XRCC4: variants seen among roughly 807,000 people sequenced by gnomAD.
XRCC4 encodes the protein X-ray repair cross complementing 4.
Under a neutral mutation model 39.1 loss-of-function variants are expected in XRCC4, and 28 were observed. The observed-to-expected ratio is 0.72, with a 90% CI of 0.53 to 0.98. The LOEUF (loss-of-function observed/expected upper bound fraction) is 0.98, where lower values mean the gene tolerates loss of function less well. Ranked by LOEUF, XRCC4 falls within the 50% of genes least tolerant of loss-of-function variation. The probability of loss-of-function intolerance (pLI) is 0.00; values close to 1 mark genes in which losing one functional copy is unlikely to be tolerated. For synonymous variants in XRCC4, 123 were observed against 126.4 expected, an observed-to-expected ratio of 0.97 and a Z score of 0.18; for missense variants, 350 against 376.4, an observed-to-expected ratio of 0.93 and a Z score of 0.58.
In XRCC4 at chr5:83,175,573, A is replaced by G. The variant is rs117436086; in HGVS notation, c.316-20197A>G. On this transcript the variant is annotated intron_variant, in intron 3 of 7. Transcript: ENST00000396027. The stretch of plus-strand genomic sequence containing the variant: ...GTAATCCCAGCACTTTGGGAGGCCA[A>G]GGTGGGAGGATTACTTGAGGGCCAG... Among the ~76,000 whole-genome samples, 441 of 152,166 alleles carry G rather than the reference A, an allele frequency of 2.9e-3. 12 individuals are homozygous for G. In the East Asian group the frequency reaches 0.073, roughly 25 times the overall value.
At chr5:83,277,919 C>T (rs1361109205) in intron 7 of XRCC4, among the ~76,000 whole-genome samples, 1 of 152,024 alleles carries the variant, frequency 6.6e-6, no homozygotes, top group Non-Finnish European at 1.5e-5. Flanking sequence ...CATTTAATAT[C>T]TTGTTTAATA....
rs141498148 is a variant in XRCC4 at position 83,105,264 on chromosome 5, G to A, written c.139+206G>A. ...AAACAAACGTGTCCTAGAAAATTCCGGTTACCATTTGAATCTTAGTAACTT... is the reference window on the plus strand; with the variant it reads ...AAACAAACGTGTCCTAGAAAATTCCAGTTACCATTTGAATCTTAGTAACTT... On this transcript the variant is annotated intron_variant, in intron 2 of 7. Transcript: ENST00000396027. Among the ~76,000 whole-genome samples the A allele has an allele frequency of 7.4e-4, 113 of 152,104 alleles. No homozygotes were observed. In the East Asian group the frequency reaches 0.021, roughly 28 times the overall value.
chr5:83,373,922 C>G, the XRCC4 span, among the ~76,000 whole-genome samples: 2 of 151,998 alleles, frequency 1.3e-5, no homozygotes, highest in African/African-American at 4.8e-5. Flanking sequence ...AAAAGTGGTT[C>G]CATTTAAAGA....
At chr5:83,189,306 A>G (rs148714750) in intron 3 of XRCC4, among the ~76,000 whole-genome samples, 39 of 152,124 alleles carry the variant, frequency 2.6e-4, no homozygotes, top group Non-Finnish European at 4.9e-4. Context: ...GCTCTCAAGA[A>G]CTCTCTGATT....
intron 7 of XRCC4, among the ~76,000 whole-genome samples, chr5:83,262,967 A>G (rs1466569331): frequency 6.9e-6 from 1 of 145,914 alleles, no homozygotes; most frequent in Non-Finnish European, 1.5e-5. Context: ...AGCATTAGGT[A>G]TATCTCCCGA....
At chr5:83,285,775 A>G (rs1403592922) in intron 7 of XRCC4, among the ~76,000 whole-genome samples, 2 of 152,106 alleles carry the variant, frequency 1.3e-5, no homozygotes, top group Non-Finnish European at 2.9e-5. Context: ...AACCACGTGT[A>G]ATTCTGAGTC....
rs887299491 is a variant in XRCC4 at position 83,160,251 on chromosome 5, T to G, written c.316-35519T>G. The stretch of plus-strand genomic sequence containing the variant: ...TTGAATTATATCAATCAGGGAATAT[T>G]AAATTATTTGAGGGAATAAAGAGGA... On this transcript the variant is annotated intron_variant, in intron 3 of 7. Coordinates refer to ENST00000396027, the MANE Select transcript of XRCC4 (RefSeq NM_003401.5). Among the ~76,000 whole-genome samples the G allele has an allele frequency of 4.6e-5, 7 of 152,294 alleles. 1 individual carries two copies. The highest frequency in any genetic ancestry group is 3.3e-4 in the Admixed American group (5 of 15,292).
intron 3 of XRCC4, among the ~76,000 whole-genome samples, chr5:83,119,633 A>G (rs1271466611): frequency 1.3e-5 from 2 of 152,130 alleles, no homozygotes; most frequent in Non-Finnish European, 2.9e-5. Context: ...AAGTCATTAT[A>G]TCTTAACTTT....
At chr5:83,293,873 C>G (rs1181113458) in intron 7 of XRCC4, among the ~76,000 whole-genome samples, 2 of 151,874 alleles carry the variant, frequency 1.3e-5, no homozygotes, top group African/African-American at 4.8e-5. Context: ...GAGCAGATTG[C>G]AAAAGATACT....
chr5:83,360,705 G>C, the XRCC4 span, among the ~76,000 whole-genome samples: 17 of 152,082 alleles, frequency 1.1e-4, no homozygotes, highest in Non-Finnish European at 1.3e-4. Context: ...TTACAGAGCA[G>C]AACAGAACCT....
chr5:83,238,277 T>C (rs1752767646), intron 6 of XRCC4, among the ~76,000 whole-genome samples: 1 of 152,212 alleles, frequency 6.6e-6, no homozygotes, highest in East Asian at 1.9e-4. Context: ...CACAAGATAA[T>C]GTATGTATGA....
intron 4 of XRCC4, among the ~76,000 whole-genome samples, chr5:83,203,038 G>A (rs1306321157): frequency 6.6e-6 from 1 of 150,432 alleles, no homozygotes; most frequent in African/African-American, 2.4e-5. Context: ...ATATGTATTT[G>A]TGTGTGTGTG....
intron 7 of XRCC4, among the ~76,000 whole-genome samples, chr5:83,278,429 A>G (rs939339662): frequency 3.3e-5 from 5 of 152,158 alleles, no homozygotes; most frequent in African/African-American, 1.2e-4. Flanking sequence ...TGGGTCATTT[A>G]TAGATAATAG....
At chr5:83,108,024 TC>T (rs1746279873) in intron 2 of XRCC4, among the ~76,000 whole-genome samples, 1 of 151,918 alleles carries the variant, frequency 6.6e-6, no homozygotes, top group Non-Finnish European at 1.5e-5. Flanking sequence ...TACATCTTCA[TC>T]TACCTATAAA....
intron 6 of XRCC4, among the ~76,000 whole-genome samples, chr5:83,216,030 C>T (rs1334536153): frequency 6.6e-6 from 1 of 152,006 alleles, no homozygotes; most frequent in African/African-American, 2.4e-5. Context: ...AAACACATGC[C>T]ATGAATTGGG....
intron 7 of XRCC4, among the ~76,000 whole-genome samples, chr5:83,273,438 CG>C (rs1241126303): frequency 1.4e-4 from 21 of 152,118 alleles, no homozygotes; most frequent in African/African-American, 4.8e-4. Context: ...AGATCCCATT[CG>C]TTAATTTTGG....
chr5:83,167,533 C>G (rs901092011), intron 3 of XRCC4, among the ~76,000 whole-genome samples: 18 of 152,054 alleles, frequency 1.2e-4, no homozygotes, highest in African/African-American at 4.3e-4. Context: ...GCTGCACTGG[C>G]CAGGGGGTCA....
chr5:83,181,985 A>G (rs1470245741), intron 3 of XRCC4, among the ~76,000 whole-genome samples: 1 of 152,172 alleles, frequency 6.6e-6, no homozygotes, highest in Non-Finnish European at 1.5e-5. Context: ...AGTTGAAGCA[A>G]AATGCCCTTG....
chr5:83,321,651 T>C (rs1410173527), intron 7 of XRCC4, among the ~76,000 whole-genome samples: 2 of 152,134 alleles, frequency 1.3e-5, no homozygotes, highest in East Asian at 3.9e-4. Context: ...ACTTGATGTC[T>C]CACTAAATGA....
Sources: allele counts gnomAD v4.1 joint callset (sites outside exome capture counted in the v4.1 genomes callset), GRCh38; gene constraint gnomAD v4.1.1; transcripts MANE v1.5; gene names NCBI Gene and HGNC (gene_info 2026-07-23, HGNC 2026-07-21).